Variants in LRRC53 observed in about 807,000 individuals in gnomAD.
LRRC53 encodes the protein leucine rich repeat containing 53.
Under a neutral mutation model 13.6 loss-of-function variants are expected in LRRC53, and 25 were observed. That is an observed-to-expected ratio of 1.83 (90% CI 1.34 to 2.56). LRRC53 has a LOEUF of 2.56. Ranked by LOEUF, LRRC53 falls within the 30% of genes most tolerant of loss-of-function variation. LRRC53 has a pLI of 0.00. For synonymous variants in LRRC53, 204 were observed against 109.8 expected (o/e 1.86, Z -5.37); for missense variants, 527 against 275.8 (o/e 1.91, Z -6.45).
intron 1 of LRRC53, among the ~76,000 whole-genome samples, chr1:74,493,690 A>G (rs1352318187): frequency 6.6e-6 from 1 of 152,154 alleles, no homozygotes; most frequent in Non-Finnish European, 1.5e-5. Context: ...GTTCAGGTCT[A>G]TTCCTTGGGT....
chr1:74,492,271 G>C, intron 1 of LRRC53: 1 of 1,516,466 alleles, frequency 6.6e-7, no homozygotes. Context: ...CCAAAGGTGA[G>C]TGGTAATATA....
At chr1:74,507,442 G>T (rs948521184) in intron 1 of LRRC53, among the ~76,000 whole-genome samples, 1 of 152,070 alleles carries the variant, frequency 6.6e-6, no homozygotes, top group African/African-American at 2.4e-5. Context: ...ACACACACAT[G>T]CGCACGCACT....
chr1:74,518,873 CCT>C, the LRRC53 span, among the ~76,000 whole-genome samples: 44,257 of 99,990 alleles, frequency 0.44, 9,919 homozygotes, highest in Admixed American at 0.52. Context: ...TTTTTTTTCC[CCT>C]TTTTTTTTTT....
At chr1:74,502,319 A>G (rs1451362922) in intron 1 of LRRC53, among the ~76,000 whole-genome samples, 3 of 152,234 alleles carry the variant, frequency 2.0e-5, no homozygotes, top group African/African-American at 7.2e-5. Context: ...TGTGATGTAC[A>G]TGAACATAAT....
At chr1:74,507,285 C>A (rs1557614868) in intron 1 of LRRC53, among the ~76,000 whole-genome samples, 1 of 140,704 alleles carries the variant, frequency 7.1e-6, no homozygotes, top group Non-Finnish European at 1.5e-5. Context: ...CAAGTTCAAT[C>A]CCAATGTCTC....
intron 1 of LRRC53, among the ~76,000 whole-genome samples, chr1:74,504,431 C>A (rs916142697): frequency 3.9e-5 from 6 of 152,152 alleles, no homozygotes; most frequent in African/African-American, 1.4e-4. Context: ...AGGTGTGCAG[C>A]CTCAAAGTTG....
chr1:74,478,164 A>G (rs1668298465), intron 3 of LRRC53, among the ~76,000 whole-genome samples: 1 of 152,208 alleles, frequency 6.6e-6, no homozygotes, highest in Non-Finnish European at 1.5e-5. Context: ...TGTGCTTCAG[A>G]AAGAGTGGAA....
At chr1:74,532,392 C>T in the LRRC53 span, among the ~76,000 whole-genome samples, 1 of 152,124 alleles carries the variant, frequency 6.6e-6, no homozygotes. Flanking sequence ...TTATTATCAG[C>T]TCTGTAATTC....
rs1667954277 is a variant in LRRC53 at position 74,471,979 on chromosome 1, C to A, written c.1643G>T (p.Arg548Ile). 4.8e-6 allele frequency: 3 copies of A among 626,838 alleles called. No homozygotes were observed. Among genetic ancestry groups the A allele is most frequent in the Non-Finnish European group, 8.7e-6 (3 of 346,614 alleles). The allele number at this position is 626,838 out of a possible 1,614,324, so 38.8% of individuals were successfully genotyped here. The change falls in exon 5 of 5, where the codon AGA becomes ATA. Residue 548 changes from arginine to isoleucine, a missense_variant. By Grantham distance (97) the Arg-to-Ile change is moderately conservative. Coordinates refer to ENST00000294635, the MANE Select transcript of LRRC53 (RefSeq NM_001382280.1). ...TCCACAAGGATCATCATATTTTGAT[C>A]TATTTTTTTGTACGATCTTTTGTAC... ...HYVQKIVQKN[R>I]SKYDDPCGLL...
At chr1:74,519,496 C>T in the LRRC53 span, among the ~76,000 whole-genome samples, 1 of 125,406 alleles carries the variant, frequency 8.0e-6, no homozygotes, top group Admixed American at 7.4e-5. Flanking sequence ...TACAGTCCCA[C>T]CAACAGTGTA....
intron 1 of LRRC53, among the ~76,000 whole-genome samples, chr1:74,500,472 C>T (rs1031224600): frequency 6.6e-6 from 1 of 150,436 alleles, no homozygotes; most frequent in African/African-American, 2.4e-5. Context: ...GGCGTAGTGG[C>T]GGGCGCCTGT....
At chr1:74,509,915 G>A (rs1670098515) in intron 1 of LRRC53, among the ~76,000 whole-genome samples, 1 of 151,492 alleles carries the variant, frequency 6.6e-6, no homozygotes, top group African/African-American at 2.4e-5. Context: ...CACTGCACTT[G>A]GCTAATTTTT....
rs973196935 is a variant in LRRC53 at position 74,471,568 on chromosome 1, C to T, written c.2054G>A (p.Arg685Lys). 7.5e-6 allele frequency: 3 copies of T among 400,494 alleles called. No individual in the cohort carries two copies. Among genetic ancestry groups the T allele is most frequent in the South Asian group, 1.3e-4 (1 of 7,946 alleles). 24.8% of individuals were successfully genotyped at this position (400,494 alleles called of 1,614,324 possible). A position where few individuals can be genotyped will look rare whatever the true frequency, so the allele number is the denominator to read the frequency against. Residue 685 changes from arginine (R) to lysine (K), a missense_variant, in exon 5 of 5, where the codon AGA (arginine) becomes AAA (lysine). Arg to Lys is a conservative substitution (Grantham distance 26). Transcript: ENST00000294635. Reference sequence around the variant, plus strand: ...AGTAAACCATTTTTCTCCTTTGTTTCTCTCCCCAGTGTTGCTAAATTTTTT... The same window carrying T: ...AGTAAACCATTTTTCTCCTTTGTTTTTCTCCCCAGTGTTGCTAAATTTTTT... ...DVKKFSNTGE[R>K]NKGEKWFTNS...
chr1:74,475,607 C>A lies in LRRC53; in HGVS notation c.1108G>T (p.Val370Leu), dbSNP rs1332147088. Residue 370 changes from valine (V) to leucine (L), a missense_variant, in exon 4 of 5, where the codon GTG (valine) becomes TTG (leucine). By Grantham distance (32) the Val-to-Leu change is conservative. Coordinates refer to ENST00000294635, the MANE Select transcript of LRRC53 (RefSeq NM_001382280.1). ...AGTGGCATTTCTTTTCTGGACCCCA[C>A]AGTGGACATGACCTTTATCTCGTTT... Reference protein sequence around the residue: ...QENEIKVMSTVGSRKEMPLLQ... With the variant: ...QENEIKVMSTLGSRKEMPLLQ... 1 of 717,324 alleles carries A rather than the reference C, an allele frequency of 1.4e-6. No individual in the cohort carries two copies. Among genetic ancestry groups the A allele is most frequent in the East Asian group, 2.7e-5 (1 of 37,270 alleles). The allele number at this position is 717,324 out of a possible 1,614,324, so 44.4% of individuals were successfully genotyped here. A position where few individuals can be genotyped will look rare whatever the true frequency, so the allele number is the denominator to read the frequency against.
At chr1:74,511,039 C>T (rs546468213) in intron 1 of LRRC53, among the ~76,000 whole-genome samples, 2 of 152,180 alleles carry the variant, frequency 1.3e-5, no homozygotes, top group African/African-American at 2.4e-5. Flanking sequence ...AGGCGTCTGC[C>T]ACCATGCCCA....
chr1:74,497,642 C>T (rs941388649), intron 1 of LRRC53, among the ~76,000 whole-genome samples: 1 of 151,676 alleles, frequency 6.6e-6, no homozygotes, highest in African/African-American at 2.4e-5. Flanking sequence ...ACAATTGAAC[C>T]CCAGATCATT....
the LRRC53 span, among the ~76,000 whole-genome samples, chr1:74,530,840 G>T: frequency 6.6e-6 from 1 of 151,824 alleles, no homozygotes; most frequent in Non-Finnish European, 1.5e-5. Flanking sequence ...CCTCTTAATG[G>T]TTTGCTCAGC....
At chr1:74,495,976 C>T (rs1366662931) in intron 1 of LRRC53, among the ~76,000 whole-genome samples, 1 of 152,106 alleles carries the variant, frequency 6.6e-6, no homozygotes, top group African/African-American at 2.4e-5. Flanking sequence ...GGACTAAGTA[C>T]AGGAGGGCCA....
At chr1:74,491,434 G>A (rs1162432273) in intron 1 of LRRC53, among the ~76,000 whole-genome samples, 6 of 152,244 alleles carry the variant, frequency 3.9e-5, no homozygotes, top group Admixed American at 2.6e-4. Flanking sequence ...TGACCAGATG[G>A]TGTCGATCTG....
Sources: allele counts gnomAD v4.1 joint callset (sites outside exome capture counted in the v4.1 genomes callset), GRCh38; gene constraint gnomAD v4.1.1; transcripts MANE v1.5; gene names NCBI Gene and HGNC (gene_info 2026-07-23, HGNC 2026-07-21).